Variants in RNF4 observed in about 807,000 individuals in gnomAD.
RNF4 encodes the protein ring finger protein 4.
A neutral mutation model predicts 24.3 loss-of-function variants in RNF4; 7 were observed. That is an observed-to-expected ratio of 0.29 (90% CI 0.16 to 0.54). RNF4 has a LOEUF of 0.54. Ranked by LOEUF, RNF4 falls within the 20% of genes least tolerant of loss-of-function variation. RNF4 has a pLI of 0.95. For missense variants in RNF4, 209 were observed against 248.5 expected, an observed-to-expected ratio of 0.84 and a Z score of 1.07; for synonymous variants, 83 against 84.3, an observed-to-expected ratio of 0.98 and a Z score of 0.09.
At chr4:2,491,668 C>T (rs533377448) in intron 2 of RNF4, among the ~76,000 whole-genome samples, 1 of 152,202 alleles carries the variant, frequency 6.6e-6, no homozygotes, top group East Asian at 1.9e-4. Flanking sequence ...TCTCAAACTC[C>T]TGACCTCAAG....
At chr4:2,475,929 A>C (rs569548454) in intron 1 of RNF4, among the ~76,000 whole-genome samples, 1 of 152,108 alleles carries the variant, frequency 6.6e-6, no homozygotes, top group Non-Finnish European at 1.5e-5. Context: ...AGGCTTTGTT[A>C]TGTCATCTGC....
intron 4 of RNF4, among the ~76,000 whole-genome samples, chr4:2,502,133 T>G (rs1488488265): frequency 1.3e-5 from 2 of 152,238 alleles, no homozygotes; most frequent in African/African-American, 4.8e-5. Context: ...CCCCTCTTTC[T>G]TTTTCCCAGC....
chr4:2,476,826 T>A (rs1254329812), intron 1 of RNF4, among the ~76,000 whole-genome samples: 1 of 151,444 alleles, frequency 6.6e-6, no homozygotes, highest in African/African-American at 2.4e-5. Context: ...TTTTTTTTTT[T>A]AAAGACAGAA....
Position 2,513,983 on chromosome 4 carries a change from T to G in RNF4, c.*164T>G. 1 of 929,936 alleles carries G rather than the reference T, an allele frequency of 1.1e-6. No individual in the cohort carries two copies. Among genetic ancestry groups the G allele is most frequent in the Non-Finnish European group, 1.6e-6 (1 of 617,768 alleles). 57.6% of individuals were successfully genotyped at this position (929,936 alleles called of 1,614,324 possible). ...AACCCCTTCCTTTTGTTATCTCCAG[T>G]TTGATGCTATGGCGCTGGACCCAGG... On this transcript the variant is annotated 3_prime_UTR_variant, in exon 8 of 8. Transcript: ENST00000314289.
chr4:2,480,690 A>G (rs778643361), intron 1 of RNF4: 4 of 152,202 alleles, frequency 2.6e-5, no homozygotes, highest in African/African-American at 4.8e-5. Context: ...AAGGGAGTAT[A>G]GAAGAAATGG....
rs140177488 is a variant in RNF4, at chr4:2,500,777, A to G, written c.204+39A>G. 1.6e-3 allele frequency: 2,540 copies of G among 1,598,992 alleles called. 35 individuals carry two copies. In the African/African-American group the frequency reaches 0.028, roughly 18 times the overall value. On this transcript the variant is annotated intron_variant, in intron 4 of 7. Coordinates refer to ENST00000314289, the MANE Select transcript of RNF4 (RefSeq NM_002938.5). ...TGTGAGAGTCGGCTGTTTCTTGGGT[A>G]TGGGTCCCTGGCCAGTGCCAGCATC... is the stretch of plus-strand genomic sequence containing the variant.
chr4:2,505,370 A>G (rs1203858), intron 4 of RNF4: 33,031 of 149,962 alleles, frequency 0.22, 4,235 homozygotes, highest in African/African-American at 0.34. Flanking sequence ...CTGTTGCCCA[A>G]GCTGGAGTAC....
chr4:2,512,190 G>A lies in RNF4; in HGVS notation c.214+225G>A, dbSNP rs551088155. The A allele has an allele frequency of 1.6e-6, 1 of 643,532 alleles. No homozygotes were observed. The highest frequency in any genetic ancestry group is 2.9e-5 in the Admixed American group (1 of 34,622). 39.9% of individuals were successfully genotyped at this position (643,532 alleles called of 1,614,324 possible). ...GAGCACTGAGCTATAGTCCTTTCTT[G>A]TGGCCTACCAGATTTTGGAGAAGGC... is the stretch of plus-strand genomic sequence containing the variant. On this transcript the variant is annotated intron_variant, in intron 5 of 7. Coordinates refer to ENST00000314289, the MANE Select transcript of RNF4 (RefSeq NM_002938.5). The surrounding 1 kb of genome is among the most constrained non-coding windows in gnomAD (Gnocchi z 4.1).
At chr4:2,484,471 C>T (rs747073207) in intron 1 of RNF4, among the ~76,000 whole-genome samples, 55 of 152,076 alleles carry the variant, frequency 3.6e-4, no homozygotes, top group African/African-American at 1.1e-3. Flanking sequence ...TATGCATACA[C>T]GGACAGTCCC....
chr4:2,489,005 G>T (rs1366584224), intron 1 of RNF4, among the ~76,000 whole-genome samples: 11 of 151,996 alleles, frequency 7.2e-5, no homozygotes, highest in African/African-American at 2.7e-4. Context: ...TAGAGACGGG[G>T]TTTCACCATA....
intron 1 of RNF4, among the ~76,000 whole-genome samples, chr4:2,483,884 G>A (rs1215685376): frequency 6.6e-6 from 1 of 151,706 alleles, no homozygotes; most frequent in African/African-American, 2.4e-5. Context: ...GCAGGCTGGA[G>A]TGCAATGGTG....
At chr4:2,486,816 C>T (rs1298849618) in intron 1 of RNF4, among the ~76,000 whole-genome samples, 1 of 152,190 alleles carries the variant, frequency 6.6e-6, no homozygotes, top group East Asian at 1.9e-4. Flanking sequence ...TCTCTGTCTT[C>T]CTTTGTCAGT....
chr4:2,502,195 A>G lies in RNF4; in HGVS notation c.204+1457A>G, dbSNP rs552863516. On this transcript the variant is annotated intron_variant, in intron 4 of 7. Transcript: ENST00000314289. ...ATTAAAGCTGGAAAGTGGTGTCTGC[A>G]GAAGTTTTTTTGTTTTTTGTTTTTT... Among the ~76,000 whole-genome samples, 56 of 152,316 alleles carry G rather than the reference A, an allele frequency of 3.7e-4. 1 individual carries two copies. In the East Asian group the frequency reaches 9.4e-3, roughly 26 times the overall value.
At position 2,484,386 on chromosome 4, in the gene RNF4, C is replaced by A. The variant is rs560589810; in HGVS notation, c.-157-5951C>A. On this transcript the variant is annotated intron_variant, in intron 1 of 7. Transcript: ENST00000314289. The stretch of plus-strand genomic sequence containing the variant: ...TAGAATTTGGTTCCAGTCTAACACT[C>A]TTCCTGTTTCCTGCCCGCCTGTATG... Among the ~76,000 whole-genome samples the A allele has an allele frequency of 3.3e-5, 5 of 152,014 alleles. No individual in the cohort carries two copies. In the South Asian group the frequency reaches 6.2e-4, roughly 19 times the overall value.
At chr4:2,502,414 G>A (rs1166135165) in intron 4 of RNF4, among the ~76,000 whole-genome samples, 7 of 151,984 alleles carry the variant, frequency 4.6e-5, no homozygotes, top group East Asian at 1.9e-4. Context: ...GGCTGGGCGC[G>A]GTGGCTCACG....
intron 1 of RNF4, among the ~76,000 whole-genome samples, chr4:2,486,371 A>G (rs902779044): frequency 6.6e-6 from 1 of 151,912 alleles, no homozygotes; most frequent in Non-Finnish European, 1.5e-5. Context: ...CTGCATTTCT[A>G]CGTCCCCACC....
At chr4:2,493,509 T>TG (rs1254242175) in intron 2 of RNF4, among the ~76,000 whole-genome samples, 1 of 151,888 alleles carries the variant, frequency 6.6e-6, no homozygotes, top group African/African-American at 2.4e-5. Flanking sequence ...TGCTACAGGC[T>TG]GGGCATGGTG....
chr4:2,482,318 G>A (rs1441772039), intron 1 of RNF4, among the ~76,000 whole-genome samples: 2 of 152,224 alleles, frequency 1.3e-5, no homozygotes, highest in South Asian at 2.1e-4. Flanking sequence ...AGTAGAGGCA[G>A]CTAAGCTGCT....
intron 1 of RNF4, among the ~76,000 whole-genome samples, chr4:2,489,091 G>A (rs1026178281): frequency 5.9e-5 from 9 of 152,194 alleles, no homozygotes; most frequent in African/African-American, 9.7e-5. Flanking sequence ...GGGATTACAG[G>A]TGTGAGCTAC....
Sources: gnomAD v4.1 joint callset for allele counts (sites outside exome capture counted in the v4.1 genomes callset) on GRCh38, gnomAD v4.1.1 for gene constraint, Gnocchi (gnomAD v3.1) non-coding constraint, MANE v1.5 for transcripts, NCBI Gene and HGNC (gene_info 2026-07-23, HGNC 2026-07-21) for gene names.